Variants in LIN9 observed in about 807,000 individuals in gnomAD.
LIN9 encodes the protein protein lin-9 homolog.
LIN9 carries 18 observed loss-of-function variants against 78.0 expected under a neutral mutation model. The ratio of observed to expected loss-of-function variants is 0.23; its 90% CI spans 0.16 to 0.34. LIN9 has a LOEUF of 0.34. Among genes scored for constraint, LIN9 ranks in the 10% least tolerant of loss-of-function variants. LIN9 has a pLI of 1.00. For synonymous variants in LIN9, 192 were observed against 215.2 expected (o/e 0.89, Z 0.94); for missense variants, 451 against 644.1 (o/e 0.70, Z 3.25).
At chr1:226,291,571 G>A (rs1661795829) in intron 4 of LIN9, among the ~76,000 whole-genome samples, 1 of 152,000 alleles carries the variant, frequency 6.6e-6, no homozygotes, top group Admixed American at 6.6e-5. Flanking sequence ...CACTGTATGA[G>A]GGAAGTACAT....
intron 4 of LIN9, among the ~76,000 whole-genome samples, chr1:226,290,497 C>T (rs1055701668): frequency 7.9e-5 from 12 of 151,878 alleles, no homozygotes; most frequent in Admixed American, 2.0e-4. Context: ...CCCGCCACCA[C>T]GCCCGGCTAA....
At chr1:226,300,467 C>T (rs1157691961) in intron 2 of LIN9, among the ~76,000 whole-genome samples, 2 of 152,176 alleles carry the variant, frequency 1.3e-5, no homozygotes. Flanking sequence ...AAGAGGATCA[C>T]TTGAGCCCAG....
In LIN9 at chr1:226,250,898, T is replaced by C. The variant is rs576057597; in HGVS notation, c.1060A>G (p.Met354Val). The change falls in exon 11 of 15, where the codon ATG becomes GTG. Residue 354 changes from methionine to valine, a missense_variant. Physicochemically the swap from Met to Val is conservative, Grantham distance 21. Transcript: ENST00000681046. ...IQVTRLSKILMIKKEHIKKLR... is the reference protein window; with the variant it reads ...IQVTRLSKILVIKKEHIKKLR... The stretch of plus-strand genomic sequence containing the variant: ...TTCTTGATATGTTCCTTTTTAATCA[T>C]GAGAATTTTTGATAATCTGGTCTAC... 6 of 1,525,824 alleles carry C rather than the reference T, an allele frequency of 3.9e-6. No individual in the cohort carries two copies. Among genetic ancestry groups the C allele is most frequent in the Non-Finnish European group, 3.6e-6 (4 of 1,109,528 alleles). 94.5% of individuals were successfully genotyped at this position (1,525,824 alleles called of 1,614,324 possible).
chr1:226,289,005 G>A (rs757769057), intron 4 of LIN9, among the ~76,000 whole-genome samples: 7 of 152,174 alleles, frequency 4.6e-5, no homozygotes, highest in African/African-American at 1.4e-4. Context: ...TTGGGAGACC[G>A]AGATGGGCGG....
At chr1:226,279,525 G>C (rs1443528747) in intron 6 of LIN9, among the ~76,000 whole-genome samples, 1 of 150,622 alleles carries the variant, frequency 6.6e-6, no homozygotes, top group Non-Finnish European at 1.5e-5. Flanking sequence ...CACTTTGGGA[G>C]GCTGAGGCGG....
At chr1:226,252,280 C>T (rs370659083) in intron 10 of LIN9, among the ~76,000 whole-genome samples, 1 of 126,394 alleles carries the variant, frequency 7.9e-6, no homozygotes, top group South Asian at 2.5e-4. Context: ...GACCCCATCT[C>T]AAAATAAATA....
chr1:226,244,051 T>G (rs1373024211), intron 11 of LIN9, among the ~76,000 whole-genome samples: 1 of 151,472 alleles, frequency 6.6e-6, no homozygotes, highest in East Asian at 2.0e-4. Flanking sequence ...AAGTTTTGTA[T>G]TTTTACTAGA....
At chr1:226,291,324 C>T (rs529498580) in intron 4 of LIN9, among the ~76,000 whole-genome samples, 86 of 151,754 alleles carry the variant, frequency 5.7e-4, no homozygotes, top group African/African-American at 2.0e-3. Context: ...ACACTGAATC[C>T]GATTATCTCA....
chr1:226,282,667 A>G (rs1019849426), intron 6 of LIN9, among the ~76,000 whole-genome samples: 3 of 152,112 alleles, frequency 2.0e-5, no homozygotes, highest in Admixed American at 6.5e-5. Context: ...CTAAAAATAC[A>G]AAAATTAGCC....
intron 7 of LIN9, among the ~76,000 whole-genome samples, chr1:226,273,641 C>T (rs956672537): frequency 2.6e-5 from 4 of 152,132 alleles, no homozygotes; most frequent in African/African-American, 9.6e-5. Context: ...AAAGGCAGTT[C>T]CCAAACCAGC....
Position 226,263,340 on chromosome 1 carries a change from G to A in LIN9, c.1038+2193C>T, listed in dbSNP as rs144902378. ...GACTGTAACAAATGTACCATCTGCT[G>A]GGAGATAATAGGGGGAGACTACACA... On this transcript the variant is annotated intron_variant, in intron 10 of 14. Coordinates refer to ENST00000681046, the MANE Select transcript of LIN9 (RefSeq NM_001366245.2). Among the ~76,000 whole-genome samples, 787 of 152,112 alleles carry A rather than the reference G, an allele frequency of 5.2e-3. 6 individuals carry two copies. Among genetic ancestry groups the A allele is most frequent in the African/African-American group, 0.018 (747 of 41,484 alleles).
At chr1:226,259,262 C>T (rs1659411586) in intron 10 of LIN9, among the ~76,000 whole-genome samples, 1 of 152,008 alleles carries the variant, frequency 6.6e-6, no homozygotes, top group Non-Finnish European at 1.5e-5. Context: ...ACCCGGCCAA[C>T]AATACTTAAT....
chr1:226,267,422 C>CAAAAAA (rs10679567), intron 8 of LIN9, among the ~76,000 whole-genome samples: 1 of 91,400 alleles, frequency 1.1e-5, no homozygotes, highest in African/African-American at 4.4e-5. Flanking sequence ...GACTCCGTCT[C>CAAAAAA]AAAAAAAAAA....
At position 226,286,352 on chromosome 1, in the gene LIN9, G is replaced by T; in HGVS notation, c.505C>A (p.Leu169Ile). 6.2e-7 allele frequency: 1 copy of T among 1,609,968 alleles called. No homozygotes were observed. The highest frequency in any genetic ancestry group is 8.5e-7 in the Non-Finnish European group (1 of 1,179,054). The change falls in exon 6 of 15, where the codon CTT (leucine) becomes ATT (isoleucine). Residue 169 changes from leucine (L) to isoleucine (I), a missense_variant. By Grantham distance (5) the Leu-to-Ile change is conservative. Transcript: ENST00000681046. ...TTTTACCTCCGTGGTTTTCCCATAA[G>T]CCGCCGAATTTTTCCCCATTCTACT... ...TRVEWGKIRR[L>I]MGKPRRCSSA...
chr1:226,246,980 C>T (rs1658525439), intron 11 of LIN9, among the ~76,000 whole-genome samples: 1 of 152,046 alleles, frequency 6.6e-6, no homozygotes, highest in Admixed American at 6.6e-5. Flanking sequence ...TTCCGTTACA[C>T]ATTAGACCTT....
chr1:226,279,435 G>A (rs947872080), intron 6 of LIN9, among the ~76,000 whole-genome samples: 1 of 151,508 alleles, frequency 6.6e-6, no homozygotes, highest in Non-Finnish European at 1.5e-5. Context: ...CTGCACTCCA[G>A]CCTGCACAAC....
intron 10 of LIN9, among the ~76,000 whole-genome samples, chr1:226,262,138 C>A (rs898119903): frequency 6.6e-6 from 1 of 152,078 alleles, no homozygotes; most frequent in Non-Finnish European, 1.5e-5. Flanking sequence ...AAGGGAATCA[C>A]AAACATAGAT....
At chr1:226,246,934 C>A (rs1296292335) in intron 11 of LIN9, among the ~76,000 whole-genome samples, 2 of 151,446 alleles carry the variant, frequency 1.3e-5, no homozygotes, top group Non-Finnish European at 2.9e-5. Flanking sequence ...TTTTAAAATA[C>A]TGCTTTTGTC....
intron 5 of LIN9, among the ~76,000 whole-genome samples, chr1:226,287,009 G>T (rs940897341): frequency 6.6e-6 from 1 of 152,092 alleles, no homozygotes; most frequent in African/African-American, 2.4e-5. Context: ...TAAATGCCTT[G>T]GGCTCAAATA....
Sources: allele counts gnomAD v4.1 joint callset (sites outside exome capture counted in the v4.1 genomes callset), GRCh38; gene constraint gnomAD v4.1.1; transcripts MANE v1.5; gene names NCBI Gene and HGNC (gene_info 2026-07-23, HGNC 2026-07-21).